The following CDKN2C variants were observed in gnomAD, a reference collection of about 807,000 sequenced individuals.
The protein encoded by CDKN2C is cyclin dependent kinase inhibitor 2C, also known as cyclin-dependent kinase 4 inhibitor C.
In CDKN2C, 5 loss-of-function variants were observed where a neutral mutation model predicts 11.0. The observed-to-expected ratio is 0.45, with a 90% CI of 0.24 to 0.95. CDKN2C has a LOEUF of 0.95. Among genes scored for constraint, CDKN2C ranks in the 40% least tolerant of loss-of-function variants. The pLI, the probability that CDKN2C is intolerant of heterozygous loss-of-function variation, is 0.21. For missense variants in CDKN2C, 161 were observed against 211.9 expected (o/e 0.76, Z 1.49); for synonymous variants, 79 against 88.3 (o/e 0.89, Z 0.59).
upstream of CDKN2C, chr1:50,969,402 C>T (rs1645367144): frequency 6.6e-6 from 1 of 152,242 alleles, no homozygotes; most frequent in African/African-American, 2.4e-5. The surrounding 1 kb of genome is among the most constrained non-coding windows in gnomAD (Gnocchi z 6.6). Context: ...AGTCCGGGCT[C>T]CGTAGACGCT....
chr1:50,973,947 A>G lies in CDKN2C; in HGVS notation c.184A>G (p.Asn62Asp), dbSNP rs1162658446. 6 of 1,614,102 alleles carry G rather than the reference A, an allele frequency of 3.7e-6. No individual in the cohort carries two copies. Among genetic ancestry groups the G allele is most frequent in the Non-Finnish European group, 5.1e-6 (6 of 1,180,050 alleles). ...CAGGAGACTGCTACTTAGAGGTGCT[A>G]ATCCCGATTTGAAAGACCGAACTGG... ...IARRLLLRGA[N>D]PDLKDRTGFA... Residue 62 changes from asparagine (N) to aspartate (D), a missense_variant, in exon 2 of 2, where the codon AAT (asparagine) becomes GAT (aspartate). Coordinates refer to ENST00000371761, the MANE Select transcript of CDKN2C (RefSeq NM_078626.3).
At chr1:50,963,960 A>C (rs927560460) in intron 1 of CDKN2C, among the ~76,000 whole-genome samples, 1 of 151,876 alleles carries the variant, frequency 6.6e-6, no homozygotes, top group African/African-American at 2.4e-5. Context: ...AGAAACTTTT[A>C]TATCATCTTT....
At chr1:50,972,047 G>C (rs1645383715) in intron 1 of CDKN2C, among the ~76,000 whole-genome samples, 1 of 152,082 alleles carries the variant, frequency 6.6e-6, no homozygotes, top group Non-Finnish European at 1.5e-5. Context: ...GAAAAAAGGT[G>C]AATTTTCTTC....
At chr1:50,967,327 CTTGTT>C (rs767196278), upstream of CDKN2C, among the ~76,000 whole-genome samples, 14 of 152,152 alleles carry the variant, frequency 9.2e-5, no homozygotes, top group Non-Finnish European at 1.8e-4. Context: ...GAGTTAATTT[CTTGTT>C]TTGTAGTTCT....
At chr1:50,966,753 A>G (rs970574235), upstream of CDKN2C, among the ~76,000 whole-genome samples, 1 of 152,024 alleles carries the variant, frequency 6.6e-6, no homozygotes, top group African/African-American at 2.4e-5. Context: ...AAAAAAAAAA[A>G]ACCTTTGCCA....
intron 1 of CDKN2C, among the ~76,000 whole-genome samples, chr1:50,973,000 C>A (rs536859779): frequency 2.0e-5 from 3 of 152,186 alleles, no homozygotes; most frequent in Non-Finnish European, 2.9e-5. Context: ...CTTGTCAGAA[C>A]TTTGAGAAAC....
chr1:50,974,415 A>G lies in CDKN2C; in HGVS notation c.*145A>G. ...GAAACTGCATAAGTGAAAATCTTAC[A>G]ACAGGCTTATGAATATATTTAAGCA... is the stretch of plus-strand genomic sequence containing the variant. On this transcript the variant is annotated 3_prime_UTR_variant, in exon 2 of 2. Coordinates refer to ENST00000371761, the MANE Select transcript of CDKN2C (RefSeq NM_078626.3). The G allele has an allele frequency of 1.3e-6, 1 of 742,462 alleles. No individual in the cohort carries two copies. The highest frequency in any genetic ancestry group is 2.0e-6 in the Non-Finnish European group (1 of 491,688). The allele number at this position is 742,462 out of a possible 1,614,324, so 46.0% of individuals were successfully genotyped here. A position where few individuals can be genotyped will look rare whatever the true frequency, so the allele number is the denominator to read the frequency against.
chr1:50,972,016 AAT>A (rs1645383538), intron 1 of CDKN2C, among the ~76,000 whole-genome samples: 1 of 152,154 alleles, frequency 6.6e-6, no homozygotes, highest in South Asian at 2.1e-4. Flanking sequence ...AACCGTTTCC[AAT>A]ATTGCTATTA....
rs200956660 is a variant in CDKN2C, at chr1:50,970,459, G to A, written c.91G>A (p.Val31Ile). Residue 31 changes from valine (V) to isoleucine (I), a missense_variant, in exon 1 of 2, where the codon GTC becomes ATC. Physicochemically the swap from Val to Ile is conservative, Grantham distance 29. Transcript: ENST00000371761. ...LTSLLQNNVN[V>I]NAQNGFGRTA... is the part of the protein sequence containing the mutation. ...TAGTTTGTTGCAAAATAATGTAAAC[G>A]TCAATGCACAAAATGGATTTGGAAG... 3 of 1,614,010 alleles carry A rather than the reference G, an allele frequency of 1.9e-6. No homozygotes were observed. The highest frequency in any genetic ancestry group is 2.7e-5 in the African/African-American group (2 of 74,910).
intron 1 of CDKN2C, among the ~76,000 whole-genome samples, chr1:50,963,995 T>A (rs946948462): frequency 6.6e-6 from 1 of 151,672 alleles, no homozygotes; most frequent in African/African-American, 2.4e-5. Context: ...TAATAAATAT[T>A]ATTTATATTT....
chr1:50,964,725 A>G (rs531976626), intron 1 of CDKN2C, among the ~76,000 whole-genome samples: 36 of 152,342 alleles, frequency 2.4e-4, no homozygotes, highest in African/African-American at 7.9e-4. Flanking sequence ...TACGGGGATT[A>G]TTATCACAGT....
chr1:50,963,473 G>T (rs555101214), intron 1 of CDKN2C, among the ~76,000 whole-genome samples: 9 of 152,250 alleles, frequency 5.9e-5, no homozygotes, highest in African/African-American at 1.9e-4. Context: ...AGCTGCTCTG[G>T]CAAGTTAAGA....
chr1:50,966,695 C>G (rs1409976606), upstream of CDKN2C, among the ~76,000 whole-genome samples: 4 of 149,408 alleles, frequency 2.7e-5, no homozygotes, highest in South Asian at 2.1e-4. Flanking sequence ...ACCCAACAGG[C>G]AGATGAAGCA....
chr1:50,972,883 A>G (rs902405301), intron 1 of CDKN2C, among the ~76,000 whole-genome samples: 4 of 152,202 alleles, frequency 2.6e-5, no homozygotes, highest in Non-Finnish European at 5.9e-5. Context: ...CAGGATCACC[A>G]GTTGATTATT....
At chr1:50,973,802 A>T in intron 1 of CDKN2C, 91 bp from the exon 2 acceptor site, 1 of 1,465,290 alleles carries the variant, frequency 6.8e-7, no homozygotes, top group Non-Finnish European at 9.5e-7. Context: ...AAAAATAAAT[A>T]GTTACATAAA....
intron 1 of CDKN2C, among the ~76,000 whole-genome samples, chr1:50,964,612 A>T (rs968370918): frequency 6.6e-6 from 1 of 152,184 alleles, no homozygotes; most frequent in Non-Finnish European, 1.5e-5. Flanking sequence ...CTAATGGAAA[A>T]AGTATAAGGT....
chr1:50,970,246 G>A lies in CDKN2C; in HGVS notation c.-123G>A. 1 of 1,240,312 alleles carries A rather than the reference G, an allele frequency of 8.1e-7. No homozygotes were observed. The highest frequency in any genetic ancestry group is 1.3e-5 in the South Asian group (1 of 77,992). The allele number at this position is 1,240,312 out of a possible 1,614,324, so 76.8% of individuals were successfully genotyped here. On this transcript the variant is annotated 5_prime_UTR_variant, in exon 1 of 2. Transcript: ENST00000371761. The stretch of plus-strand genomic sequence containing the variant: ...GTATTTACTACCAAGCTCTACTCCA[G>A]ATTAACCATCCCAGTCCTTCTGTCA...
At chr1:50,967,036 G>A (rs893503563), upstream of CDKN2C, among the ~76,000 whole-genome samples, 1 of 152,086 alleles carries the variant, frequency 6.6e-6, no homozygotes, top group African/African-American at 2.4e-5. Context: ...ACGTTTACCC[G>A]TACTTTATGT....
rs1010618054 is a variant in CDKN2C at position 50,961,240 on chromosome 1, A to G, written c.-1976+437A>G. Among the ~76,000 whole-genome samples, 3 of 152,040 alleles carry G rather than the reference A, an allele frequency of 2.0e-5. No individual in the cohort carries two copies. The South Asian group carries it at 6.2e-4, about 32-fold the overall frequency. ...TTTTTAGTAGAGACGGGGTTTCACTATGTTGGGCAAGCTGATCTCGAACTC... is the reference window on the plus strand; with the variant it reads ...TTTTTAGTAGAGACGGGGTTTCACTGTGTTGGGCAAGCTGATCTCGAACTC... On this transcript the variant is annotated intron_variant, in intron 1 of 3. Coordinates refer to the CDKN2C transcript ENST00000262662.
Sources: allele counts gnomAD v4.1 joint callset (sites outside exome capture counted in the v4.1 genomes callset), GRCh38; gene constraint gnomAD v4.1.1; non-coding constraint Gnocchi (gnomAD v3.1); transcripts MANE v1.5; gene names NCBI Gene and HGNC (gene_info 2026-07-23, HGNC 2026-07-21).